Variants in PDE8B observed in about 807,000 individuals in gnomAD.
PDE8B encodes the protein phosphodiesterase 8B.
In PDE8B, 26 loss-of-function variants were observed where a neutral mutation model predicts 101.3. That is an observed-to-expected ratio of 0.26 (90% CI 0.19 to 0.36). The LOEUF is 0.36. PDE8B is among the 10% of genes least tolerant of loss of function. PDE8B has a pLI of 1.00. For missense variants in PDE8B, 810 were observed against 1,163.1 expected, an observed-to-expected ratio of 0.70 and a Z score of 4.42; for synonymous variants, 424 against 429.3, an observed-to-expected ratio of 0.99 and a Z score of 0.15.
At chr5:77,185,318 AGGTATCAGC>A in the PDE8B span, among the ~76,000 whole-genome samples, 2 of 152,184 alleles carry the variant, frequency 1.3e-5, no homozygotes, top group Non-Finnish European at 2.9e-5. Context: ...CAGAACTATA[AGGTATCAGC>A]AGCATTGGTT....
intron 10 of PDE8B, among the ~76,000 whole-genome samples, chr5:77,366,635 G>A (rs906122571): frequency 3.9e-5 from 6 of 152,122 alleles, no homozygotes; most frequent in Non-Finnish European, 5.9e-5. Context: ...ATACAGCCTC[G>A]TGGGTGTGTG....
intron 7 of PDE8B, among the ~76,000 whole-genome samples, chr5:77,345,203 C>G (rs1191644310): frequency 7.2e-5 from 11 of 152,226 alleles, no homozygotes; most frequent in Admixed American, 1.3e-4. Context: ...GATTGTCACT[C>G]TGTCGCCCAG....
intron 5 of PDE8B, among the ~76,000 whole-genome samples, chr5:77,333,590 T>C (rs1321506082): frequency 6.6e-6 from 1 of 152,186 alleles, no homozygotes; most frequent in East Asian, 1.9e-4. Context: ...TTGAGTGTCC[T>C]TTTGGAATTC....
At chr5:77,403,830 T>A (rs1018445987) in intron 11 of PDE8B, among the ~76,000 whole-genome samples, 2 of 152,088 alleles carry the variant, frequency 1.3e-5, no homozygotes, top group African/African-American at 2.4e-5. Flanking sequence ...ATTCTTTTTT[T>A]TTTTGGAGAC....
In PDE8B at chr5:77,213,189, G is replaced by A. The variant is rs575245181; in HGVS notation, c.339+1925G>A. On this transcript the variant is annotated intron_variant, in intron 1 of 21. Coordinates refer to ENST00000264917, the MANE Select transcript of PDE8B (RefSeq NM_003719.5). ...TTAATCTCATTGCTACTTGGCTTAA[G>A]TATTAAAAGGCTTGACCTGGGTAGG... 1.0e-3 allele frequency among the ~76,000 whole-genome samples: 158 copies of A among 152,328 alleles called. 2 individuals are homozygous for A. The highest frequency in any genetic ancestry group is 7.2e-4 in the Admixed American group (11 of 15,308).
intron 2 of PDE8B, among the ~76,000 whole-genome samples, chr5:77,312,961 C>T (rs1399214019): frequency 6.6e-6 from 1 of 152,192 alleles, no homozygotes; most frequent in African/African-American, 2.4e-5. Flanking sequence ...CCTTGCAGCC[C>T]TTCCAGGTTC....
the PDE8B span, among the ~76,000 whole-genome samples, chr5:77,095,336 T>C: frequency 6.6e-6 from 1 of 152,234 alleles, no homozygotes; most frequent in African/African-American, 2.4e-5. Flanking sequence ...TTTGCCTGTG[T>C]AACTTTCTTC....
the PDE8B span, among the ~76,000 whole-genome samples, chr5:77,180,967 C>CGT: frequency 0.071 from 10,512 of 147,524 alleles, 668 homozygotes; most frequent in African/African-American, 0.17. Context: ...GGTGTGTACA[C>CGT]GTGTGTGTGT....
chr5:77,094,895 G>A, the PDE8B span, among the ~76,000 whole-genome samples: 1 of 152,142 alleles, frequency 6.6e-6, no homozygotes, highest in Non-Finnish European at 1.5e-5. Context: ...ATCTATTTTT[G>A]AGGGATCTGC....
the PDE8B span, among the ~76,000 whole-genome samples, chr5:77,170,544 G>A: frequency 6.6e-6 from 1 of 152,130 alleles, no homozygotes; most frequent in Non-Finnish European, 1.5e-5. Context: ...AGAATAAGCA[G>A]GACTGAGGAT....
the PDE8B span, among the ~76,000 whole-genome samples, chr5:77,138,632 A>G: frequency 6.6e-6 from 1 of 152,202 alleles, no homozygotes; most frequent in Admixed American, 6.5e-5. Flanking sequence ...CTTGGCTGAG[A>G]GGAATTCATG....
the PDE8B span, among the ~76,000 whole-genome samples, chr5:77,174,688 G>A: frequency 6.6e-6 from 1 of 152,070 alleles, no homozygotes; most frequent in Non-Finnish European, 1.5e-5. Context: ...GGCTCTGCTG[G>A]TATCTCCTCC....
At position 77,211,112 on chromosome 5, in the gene PDE8B, A is replaced by G; in HGVS notation, c.187A>G (p.Ser63Gly). The change falls in exon 1 of 22, where the codon AGC becomes GGC. Residue 63 changes from serine (S) to glycine (G), a missense_variant. Physicochemically the swap from Ser to Gly is moderately conservative, Grantham distance 56. This residue lies in a region of PDE8B where 159 missense variants were observed against 146.6 expected (regional missense o/e 1.08). Coordinates refer to ENST00000264917, the MANE Select transcript of PDE8B (RefSeq NM_003719.5). The surrounding 1 kb of genome is among the most constrained non-coding windows in gnomAD (Gnocchi z 4.1). ...CCCGAGCCGCGCGTCGGGACCCCCCAGCGTAGCCCGCGTCCGCAGGGCCCG... is the reference window on the plus strand; with the variant it reads ...CCCGAGCCGCGCGTCGGGACCCCCCGGCGTAGCCCGCGTCCGCAGGGCCCG... ...IPPSRASGPP[S>G]VARVRRARTE... 3 of 1,503,264 alleles carry G rather than the reference A, an allele frequency of 2.0e-6. No homozygotes were observed. The highest frequency in any genetic ancestry group is 2.6e-6 in the Non-Finnish European group (3 of 1,133,666). The allele number at this position is 1,503,264 out of a possible 1,614,324, so 93.1% of individuals were successfully genotyped here.
chr5:77,197,489 C>T, the PDE8B span, among the ~76,000 whole-genome samples: 6 of 151,862 alleles, frequency 4.0e-5, no homozygotes, highest in Admixed American at 2.6e-4. Flanking sequence ...TCTATACTTA[C>T]CATATCCTTC....
In PDE8B at chr5:77,421,901, T is replaced by G; in HGVS notation, c.2331T>G (p.Ile777Met). The G allele has an allele frequency of 1.2e-6, 2 of 1,614,152 alleles. No individual in the cohort carries two copies. The highest frequency in any genetic ancestry group is 1.7e-6 in the Non-Finnish European group (2 of 1,180,004). The change falls in exon 20 of 22, where the codon ATT becomes ATG. Residue 777 changes from isoleucine (I) to methionine (M), a missense_variant. Coordinates refer to ENST00000264917, the MANE Select transcript of PDE8B (RefSeq NM_003719.5). The stretch of plus-strand genomic sequence containing the variant: ...AAATCCTGATCAAACGCATGATGAT[T>G]AAGTGTGCTGACGTGGCCAACCCAT... ...ENQILIKRMM[I>M]KCADVANPCR...
intron 1 of PDE8B, among the ~76,000 whole-genome samples, chr5:77,268,790 C>G (rs1228079056): frequency 1.3e-5 from 2 of 150,832 alleles, no homozygotes; most frequent in East Asian, 2.0e-4. Flanking sequence ...TGTGGTAACT[C>G]TCTTCTAACT....
chr5:77,226,923 G>A (rs1752514721), intron 1 of PDE8B, among the ~76,000 whole-genome samples: 1 of 152,172 alleles, frequency 6.6e-6, no homozygotes, highest in East Asian at 1.9e-4. Context: ...TGGCAGCAAA[G>A]TGATTTGAGA....
the PDE8B span, among the ~76,000 whole-genome samples, chr5:77,106,960 G>C: frequency 2.6e-5 from 4 of 152,050 alleles, no homozygotes; most frequent in African/African-American, 4.8e-5. Flanking sequence ...GTGCAGGTTT[G>C]TTACATATGT....
the PDE8B span, among the ~76,000 whole-genome samples, chr5:77,108,344 T>C: frequency 6.6e-6 from 1 of 152,228 alleles, no homozygotes. Flanking sequence ...ACTATTCATT[T>C]CTTTGACAGG....
Sources: allele counts gnomAD v4.1 joint callset (sites outside exome capture counted in the v4.1 genomes callset), GRCh38; gene constraint gnomAD v4.1.1; regional missense constraint gnomAD v4.1.1; non-coding constraint Gnocchi (gnomAD v3.1); transcripts MANE v1.5; gene names NCBI Gene and HGNC (gene_info 2026-07-23, HGNC 2026-07-21).